MANBA: variants seen among roughly 807,000 people sequenced by gnomAD.
The protein encoded by MANBA is mannosidase beta.
In MANBA, 83 loss-of-function variants were observed where a neutral mutation model predicts 111.1. The ratio of observed to expected loss-of-function variants is 0.75; its 90% CI spans 0.63 to 0.90. MANBA has a LOEUF of 0.90. Ranked by LOEUF, MANBA falls within the 40% of genes least tolerant of loss-of-function variation. The pLI is 0.00. For missense variants in MANBA, 1,036 were observed against 1,069.0 expected (o/e 0.97, Z 0.43); for synonymous variants, 370 against 378.7 (o/e 0.98, Z 0.27).
chr4:102,740,838 T>TA (rs894529284), intron 1 of MANBA, among the ~76,000 whole-genome samples: 6 of 150,738 alleles, frequency 4.0e-5, no homozygotes, highest in South Asian at 2.1e-4. Context: ...CTGAAACCAT[T>TA]AAAAAAAAAT....
Position 102,760,706 on chromosome 4 carries a change from C to T in MANBA, c.177+12G>A. On this transcript the variant is annotated intron_variant, in intron 1 of 16. Transcript: ENST00000647097. Reference sequence around the variant, plus strand: ...GGGCGCAGGCTCGCCGCGGGTCGGCCGCACGCCATACCTGGATCAGGCCCT... The same window carrying T: ...GGGCGCAGGCTCGCCGCGGGTCGGCTGCACGCCATACCTGGATCAGGCCCT... The T allele has an allele frequency of 6.6e-7, 1 of 1,520,776 alleles. No homozygotes were observed. Among genetic ancestry groups the T allele is most frequent in the Non-Finnish European group, 8.9e-7 (1 of 1,127,768 alleles). 94.2% of individuals were successfully genotyped at this position (1,520,776 alleles called of 1,614,324 possible). A position where few individuals can be genotyped will look rare whatever the true frequency, so the allele number is the denominator to read the frequency against.
chr4:102,637,208 C>T (rs1172158181), intron 14 of MANBA, among the ~76,000 whole-genome samples: 1 of 152,186 alleles, frequency 6.6e-6, no homozygotes, highest in African/African-American at 2.4e-5. Context: ...TGAGAACAGA[C>T]TAATACAGGT....
At chr4:102,736,083 CT>C (rs1303303249) in intron 1 of MANBA, among the ~76,000 whole-genome samples, 1 of 152,188 alleles carries the variant, frequency 6.6e-6, no homozygotes, top group Non-Finnish European at 1.5e-5. Context: ...GGGGTAGGTA[CT>C]ATTATCATAC....
chr4:102,752,413 G>T, intron 1 of MANBA: 2 of 974,980 alleles, frequency 2.1e-6, no homozygotes, highest in Non-Finnish European at 3.3e-6. Flanking sequence ...TACAGGTTGC[G>T]TGACATTAGT....
At chr4:102,713,923 A>C (rs1179338480) in intron 5 of MANBA, among the ~76,000 whole-genome samples, 1 of 151,898 alleles carries the variant, frequency 6.6e-6, no homozygotes, top group Non-Finnish European at 1.5e-5. Context: ...AAAGAAAAGA[A>C]AAGAAATCTT....
chr4:102,640,290 G>A (rs1021899249), intron 13 of MANBA, among the ~76,000 whole-genome samples: 3 of 152,032 alleles, frequency 2.0e-5, no homozygotes, highest in Non-Finnish European at 4.4e-5. Flanking sequence ...AATTCTATAA[G>A]AAAAATAACA....
At chr4:102,706,789 G>A (rs1280038273) in intron 5 of MANBA, among the ~76,000 whole-genome samples, 1 of 152,008 alleles carries the variant, frequency 6.6e-6, no homozygotes, top group Non-Finnish European at 1.5e-5. Flanking sequence ...TGGAACTGAA[G>A]AATCTAGTTA....
At position 102,690,794 on chromosome 4, in the gene MANBA, AAT is replaced by A. The variant is rs143832054; in HGVS notation, c.674-25_674-24del. The A allele has an allele frequency of 0.023, 17,346 of 751,888 alleles. No individual in the cohort carries two copies. The highest frequency in any genetic ancestry group is 0.035 in the East Asian group (896 of 25,448). The allele number at this position is 751,888 out of a possible 1,614,324, so 46.6% of individuals were successfully genotyped here. A position where few individuals can be genotyped will look rare whatever the true frequency, so the allele number is the denominator to read the frequency against. On this transcript the variant is annotated intron_variant, in intron 5 of 16. Transcript: ENST00000647097. ...TATCTAAAATATAAAAAGAAAAAGA[AAT>A]ATATATATATATATATAATATGCTA...
chr4:102,716,466 G>A (rs1378895004), intron 4 of MANBA, among the ~76,000 whole-genome samples: 1 of 152,006 alleles, frequency 6.6e-6, no homozygotes, highest in Middle Eastern at 3.2e-3. Context: ...CAATCAGTTC[G>A]ATCTTTAGCC....
intron 1 of MANBA, among the ~76,000 whole-genome samples, chr4:102,756,879 T>C (rs1398012785): frequency 1.3e-5 from 2 of 150,482 alleles, no homozygotes; most frequent in African/African-American, 4.9e-5. Context: ...GCTGAGAACA[T>C]TCCTAACAAG....
At chr4:102,689,378 A>ATG (rs34188354) in intron 7 of MANBA, among the ~76,000 whole-genome samples, 196 bp downstream of exon 7, 3 of 140,236 alleles carry the variant, frequency 2.1e-5, no homozygotes, top group Non-Finnish European at 3.0e-5. Context: ...ATATATATAT[A>ATG]TGTGTGTGTG....
intron 12 of MANBA, among the ~76,000 whole-genome samples, chr4:102,652,177 TATAG>T (rs1174217685): frequency 6.6e-6 from 1 of 152,218 alleles, no homozygotes; most frequent in East Asian, 1.9e-4. Flanking sequence ...CCCAAAGTGC[TATAG>T]AACACCAGAA....
chr4:102,758,636 G>C (rs988281536), intron 1 of MANBA, among the ~76,000 whole-genome samples: 1 of 150,374 alleles, frequency 6.7e-6, no homozygotes, highest in Non-Finnish European at 1.5e-5. Context: ...TCAACCTCCT[G>C]GGCTCAAACG....
chr4:102,724,651 A>G (rs1270293901), intron 2 of MANBA, among the ~76,000 whole-genome samples: 2 of 152,220 alleles, frequency 1.3e-5, no homozygotes, highest in African/African-American at 4.8e-5. Flanking sequence ...ACTATCATCT[A>G]TAAGTGAATA....
At position 102,760,883 on chromosome 4, in the gene MANBA, G is replaced by A. The variant is rs757557908; in HGVS notation, c.12C>T (p.His4=). MRL[H]LLLLLALCGA... is the part of the protein sequence containing the mutation. ...CGCACAGCGCGAGCAGCAGGAGCAG[G>A]TGGAGGCGCATCTTGAGATCCCGCG... is the stretch of plus-strand genomic sequence containing the variant. Residue 4 remains histidine, a synonymous_variant, in exon 1 of 17, where the codon CAC becomes CAT. Coordinates refer to ENST00000647097, the MANE Select transcript of MANBA (RefSeq NM_005908.4). 3.3e-5 allele frequency: 52 copies of A among 1,568,728 alleles called. No homozygotes were observed. The highest frequency in any genetic ancestry group is 6.7e-5 in the African/African-American group (5 of 74,242).
At chr4:102,748,466 G>A (rs934652771) in intron 1 of MANBA, among the ~76,000 whole-genome samples, 1 of 152,060 alleles carries the variant, frequency 6.6e-6, no homozygotes, top group African/African-American at 2.4e-5. Flanking sequence ...TCTGTGGGGG[G>A]AAAATACATG....
In MANBA at chr4:102,690,723, A is replaced by G; in HGVS notation, c.722T>C (p.Val241Ala). ...ACCACCAACTGGCTTTGAGCTGACAACATCAAATGTAGACTCTATTTCCAG... is the reference window on the plus strand; with the variant it reads ...ACCACCAACTGGCTTTGAGCTGACAGCATCAAATGTAGACTCTATTTCCAG... The part of the protein sequence containing the change: ...WNLEIESTFD[V>A]VSSKPVGGQV... The change falls in exon 6 of 17, where the codon GTT becomes GCT. Residue 241 changes from valine to alanine, a missense_variant. Val to Ala is a moderately conservative substitution (Grantham distance 64). Coordinates refer to ENST00000647097, the MANE Select transcript of MANBA (RefSeq NM_005908.4). 1 of 1,604,368 alleles carries G rather than the reference A, an allele frequency of 6.2e-7. No individual in the cohort carries two copies. The highest frequency in any genetic ancestry group is 1.3e-5 in the African/African-American group (1 of 74,808).
chr4:102,725,012 G>A (rs1262946920), intron 2 of MANBA, among the ~76,000 whole-genome samples: 3 of 152,168 alleles, frequency 2.0e-5, no homozygotes, highest in Non-Finnish European at 4.4e-5. Flanking sequence ...TTTATATGAG[G>A]TATCCAGAAC....
At chr4:102,651,235 T>C (rs896992839) in intron 12 of MANBA, among the ~76,000 whole-genome samples, 24 of 152,194 alleles carry the variant, frequency 1.6e-4, no homozygotes, top group Non-Finnish European at 1.8e-4. Context: ...ATGAAACTGA[T>C]ATACATATGT....
Sources: allele counts gnomAD v4.1 joint callset (sites outside exome capture counted in the v4.1 genomes callset), GRCh38; gene constraint gnomAD v4.1.1; transcripts MANE v1.5; gene names NCBI Gene and HGNC (gene_info 2026-07-23, HGNC 2026-07-21).